Variants in MMS22L observed in about 807,000 individuals in gnomAD.
The protein encoded by MMS22L is protein MMS22-like.
A neutral mutation model predicts 159.1 loss-of-function variants in MMS22L; 74 were observed. The observed-to-expected ratio is 0.47, with a 90% CI of 0.39 to 0.56. The LOEUF is 0.56. MMS22L is among the 20% of genes least tolerant of loss of function. MMS22L has a pLI of 0.00. For synonymous variants in MMS22L, 517 were observed against 506.9 expected, an observed-to-expected ratio of 1.02 and a Z score of -0.27; for missense variants, 1,351 against 1,422.1, an observed-to-expected ratio of 0.95 and a Z score of 0.80.
At chr6:97,201,204 A>G (rs1221144659) in intron 14 of MMS22L, among the ~76,000 whole-genome samples, 1 of 152,158 alleles carries the variant, frequency 6.6e-6, no homozygotes, top group Non-Finnish European at 1.5e-5. Flanking sequence ...TTTGAATAAT[A>G]ATGTAATAAT....
intron 22 of MMS22L, among the ~76,000 whole-genome samples, chr6:97,159,948 G>GTTTTT (rs368455553): frequency 6.2e-5 from 6 of 97,178 alleles, no homozygotes; most frequent in Admixed American, 1.4e-4. Context: ...TATCATTTCT[G>GTTTTT]TTTTTTTTTT....
At chr6:97,193,326 G>A (rs1806090365) in intron 14 of MMS22L, among the ~76,000 whole-genome samples, 1 of 152,154 alleles carries the variant, frequency 6.6e-6, no homozygotes, top group African/African-American at 2.4e-5. Flanking sequence ...TAATAATGCT[G>A]TCTTACATAC....
Position 97,254,676 on chromosome 6 carries a change from G to C in MMS22L, c.1000C>G (p.Arg334Gly), listed in dbSNP as rs777509350. The change falls in exon 10 of 25, where the codon CGA becomes GGA. Residue 334 changes from arginine to glycine, a missense_variant. Arg to Gly is a moderately radical substitution (Grantham distance 125). Transcript: ENST00000683635. ...ATTACAGGCATAGAGGATCTTCTTC[G>C]GTCACTTGATTTTTCAAGCAGTGTT... ...LKTLLEKSSD[R>G]RRSSMPVIQS... 13 of 1,611,050 alleles carry C rather than the reference G, an allele frequency of 8.1e-6. No individual in the cohort carries two copies. The South Asian group carries it at 1.4e-4, about 18-fold the overall frequency.
At chr6:97,209,423 A>G (rs1808137189) in intron 14 of MMS22L, among the ~76,000 whole-genome samples, 1 of 151,980 alleles carries the variant, frequency 6.6e-6, no homozygotes, top group African/African-American at 2.4e-5. Context: ...CCTATCTAGT[A>G]CCGGTAAGAG....
At position 97,280,302 on chromosome 6, in the gene MMS22L, A is replaced by G. The variant is rs554230954; in HGVS notation, c.290+935T>C. On this transcript the variant is annotated intron_variant, in intron 3 of 24. Coordinates refer to ENST00000683635, the MANE Select transcript of MMS22L (RefSeq NM_001350599.2). ...AATCTGAATATGAACTGTGTCTTAA[A>G]TGATAATGAAGAACTTTAATTTTTA... 3.9e-4 allele frequency among the ~76,000 whole-genome samples: 60 copies of G among 152,268 alleles called. 3 individuals are homozygous for G. The South Asian group carries it at 0.011, about 28-fold the overall frequency.
At chr6:97,155,461 C>G (rs1355117023) in intron 22 of MMS22L, among the ~76,000 whole-genome samples, 1 of 152,140 alleles carries the variant, frequency 6.6e-6, no homozygotes, top group African/African-American at 2.4e-5. Flanking sequence ...TCTCCCTCCC[C>G]CAGTCCCCCA....
upstream of MMS22L, chr6:97,283,589 A>G (rs1304711269): frequency 1.3e-5 from 2 of 152,236 alleles, no homozygotes; most frequent in Non-Finnish European, 2.9e-5. Context: ...CCTTTTGTCC[A>G]TGGACTGTGA....
At chr6:97,268,148 C>A in intron 7 of MMS22L, 146 bp from the exon 8 acceptor site, 1 of 548,120 alleles carries the variant, frequency 1.8e-6, no homozygotes, top group South Asian at 3.3e-5. Flanking sequence ...TTGAGGACAA[C>A]CTTCTCATAT....
intron 24 of MMS22L, 24 bp from the exon 25 acceptor site, chr6:97,146,911 A>G (rs1426434040): frequency 9.9e-6 from 14 of 1,416,040 alleles, no homozygotes; most frequent in Non-Finnish European, 1.3e-5. Context: ...AAGAAAAGAA[A>G]GCAAATATAT....
intron 21 of MMS22L, 52 bp from the exon 22 acceptor site, chr6:97,162,217 A>G (rs947638442): frequency 6.0e-6 from 9 of 1,497,238 alleles, no homozygotes; most frequent in Non-Finnish European, 7.2e-6. Flanking sequence ...CAATAGAGCA[A>G]GACCAAATGG....
chr6:97,283,512 C>T (rs1816962312), upstream of MMS22L: 2 of 152,258 alleles, frequency 1.3e-5, no homozygotes, highest in Non-Finnish European at 2.9e-5. Context: ...GTGCCTCGTT[C>T]ACACCCACAG....
chr6:97,195,893 AATT>A (rs1399713419), intron 14 of MMS22L, among the ~76,000 whole-genome samples: 1 of 152,208 alleles, frequency 6.6e-6, no homozygotes, highest in Non-Finnish European at 1.5e-5. Flanking sequence ...AGCCAACACT[AATT>A]ATTTCGCATT....
intron 14 of MMS22L, among the ~76,000 whole-genome samples, chr6:97,203,778 T>A (rs1207003760): frequency 6.6e-6 from 1 of 152,210 alleles, no homozygotes; most frequent in Non-Finnish European, 1.5e-5. Flanking sequence ...AGGGTAACCA[T>A]TTTTTCTTTG....
intron 23 of MMS22L, 117 bp from the exon 24 acceptor site, chr6:97,150,137 G>T: frequency 2.8e-6 from 2 of 702,536 alleles, no homozygotes; most frequent in Non-Finnish European, 4.5e-6. Flanking sequence ...AAAGTTTACT[G>T]TAAGAATCTG....
intron 17 of MMS22L, 22 bp downstream of exon 17, chr6:97,179,386 C>G: frequency 6.2e-7 from 1 of 1,604,238 alleles, no homozygotes; most frequent in Non-Finnish European, 8.5e-7. Flanking sequence ...CCATCCTCCC[C>G]AAAAAACGTA....
At chr6:97,258,423 G>C (rs1814066690) in intron 9 of MMS22L, among the ~76,000 whole-genome samples, 1 of 152,146 alleles carries the variant, frequency 6.6e-6, no homozygotes, top group African/African-American at 2.4e-5. Context: ...TTGAAACTAA[G>C]ATATAGCTGC....
intron 14 of MMS22L, among the ~76,000 whole-genome samples, chr6:97,223,038 C>A (rs1414181126): frequency 1.3e-5 from 2 of 152,084 alleles, no homozygotes; most frequent in East Asian, 3.9e-4. Context: ...ATTTAGTTAA[C>A]ATAACCAAGT....
At chr6:97,277,292 AAT>A (rs1816327823) in intron 4 of MMS22L, among the ~76,000 whole-genome samples, 1 of 152,222 alleles carries the variant, frequency 6.6e-6, no homozygotes, top group Admixed American at 6.5e-5. Context: ...GTGCGCCTGT[AAT>A]CCCAGCTACT....
In MMS22L at chr6:97,149,925, A is replaced by C. The variant is rs376765038; in HGVS notation, c.3578T>G (p.Leu1193Trp). ...ATLDQQVVIH[L>W]ISTLTQSLKD... ...CAGAGACTGAGTAAGGGTAGAAATC[A>C]AGTGGATGACAACCTGCTGGTCCAA... The change falls in exon 24 of 25, where the codon TTG becomes TGG. Residue 1193 changes from leucine (L) to tryptophan (W), a missense_variant. Transcript: ENST00000683635. The C allele has an allele frequency of 1.2e-5, 20 of 1,613,708 alleles. No homozygotes were observed. The highest frequency in any genetic ancestry group is 5.0e-5 in the Admixed American group (3 of 59,950).
Sources: allele counts gnomAD v4.1 joint callset (sites outside exome capture counted in the v4.1 genomes callset), GRCh38; gene constraint gnomAD v4.1.1; transcripts MANE v1.5; gene names NCBI Gene and HGNC (gene_info 2026-07-23, HGNC 2026-07-21).